Variants in MARCHF1 observed in about 807,000 individuals in gnomAD.
MARCHF1 encodes the protein E3 ubiquitin-protein ligase MARCHF1.
Under a neutral mutation model 54.2 loss-of-function variants are expected in MARCHF1, and 40 were observed. The observed-to-expected ratio is 0.74, with a 90% confidence interval of 0.57 to 0.96. MARCHF1 has a LOEUF of 0.96. Among genes scored for constraint, MARCHF1 ranks in the 40% least tolerant of loss-of-function variants. MARCHF1 has a pLI of 0.00. For synonymous variants in MARCHF1, 236 were observed against 236.3 expected (o/e 1.00, Z 0.01); for missense variants, 586 against 656.5 (o/e 0.89, Z 1.17).
intron 3 of MARCHF1, among the ~76,000 whole-genome samples, chr4:163,987,046 C>A (rs1752883147): frequency 6.6e-6 from 1 of 152,162 alleles, no homozygotes; most frequent in Non-Finnish European, 1.5e-5. Flanking sequence ...TTTTATGAAT[C>A]TTGCTTTTGG....
intron 5 of MARCHF1, among the ~76,000 whole-genome samples, chr4:163,683,704 A>C (rs1043865544): frequency 2.0e-5 from 3 of 152,206 alleles, no homozygotes; most frequent in African/African-American, 7.2e-5. Context: ...GAAAAGGTCC[A>C]TGCATGTGTT....
intron 3 of MARCHF1, among the ~76,000 whole-genome samples, chr4:163,985,406 A>G (rs1032985578): frequency 1.3e-5 from 2 of 152,194 alleles, no homozygotes; most frequent in East Asian, 3.8e-4. Context: ...GTTATTAACC[A>G]AACAGAGATG....
chr4:164,261,637 C>G (rs555341287), intron 1 of MARCHF1, among the ~76,000 whole-genome samples: 1 of 152,240 alleles, frequency 6.6e-6, no homozygotes, highest in South Asian at 2.1e-4. Context: ...CTTGCCATTC[C>G]CACTTCTTGG....
chr4:164,073,216 T>C (rs1031990595), intron 2 of MARCHF1, among the ~76,000 whole-genome samples: 1 of 152,166 alleles, frequency 6.6e-6, no homozygotes, highest in African/African-American at 2.4e-5. Flanking sequence ...TGTGGCACTG[T>C]TCGCAATAGC....
At chr4:164,237,785 A>G (rs1392520899) in intron 1 of MARCHF1, among the ~76,000 whole-genome samples, 2 of 152,042 alleles carry the variant, frequency 1.3e-5, no homozygotes, top group Non-Finnish European at 2.9e-5. Context: ...ACATGAAAAC[A>G]TAAATTTCAG....
At chr4:163,823,812 AT>A (rs1375621281) in intron 4 of MARCHF1, among the ~76,000 whole-genome samples, 4 of 151,836 alleles carry the variant, frequency 2.6e-5, no homozygotes, top group Admixed American at 6.6e-5. Context: ...CAAGATAGTT[AT>A]TTTTTTCTAA....
intron 7 of MARCHF1, among the ~76,000 whole-genome samples, chr4:163,600,363 C>A (rs971034347): frequency 4.6e-5 from 7 of 152,118 alleles, no homozygotes; most frequent in African/African-American, 1.7e-4. Flanking sequence ...TGAAGCGCCA[C>A]TTCCAAGCAA....
intron 4 of MARCHF1, among the ~76,000 whole-genome samples, chr4:163,814,724 C>T (rs1242973220): frequency 6.6e-6 from 1 of 152,170 alleles, no homozygotes; most frequent in South Asian, 2.1e-4. Context: ...GTGGTTCCAG[C>T]ACTTACATAT....
chr4:163,991,933 C>T (rs1191950276), intron 2 of MARCHF1, among the ~76,000 whole-genome samples: 3 of 151,910 alleles, frequency 2.0e-5, no homozygotes, highest in Non-Finnish European at 4.4e-5. Flanking sequence ...CCTCAGTTTT[C>T]CCCCAAGAGA....
intron 2 of MARCHF1, among the ~76,000 whole-genome samples, chr4:164,100,390 T>A (rs1253506410): frequency 6.6e-6 from 1 of 152,246 alleles, no homozygotes; most frequent in Non-Finnish European, 1.5e-5. Flanking sequence ...TATCCAACTT[T>A]TAGATAGCCT....
At chr4:163,685,007 A>G (rs1438964558) in intron 5 of MARCHF1, among the ~76,000 whole-genome samples, 1 of 151,918 alleles carries the variant, frequency 6.6e-6, no homozygotes, top group East Asian at 1.9e-4. Context: ...CATATCATTA[A>G]CTATTAAACA....
At chr4:163,738,496 C>T (rs766908091) in intron 4 of MARCHF1, among the ~76,000 whole-genome samples, 5 of 152,176 alleles carry the variant, frequency 3.3e-5, no homozygotes, top group Admixed American at 6.5e-5. Context: ...TACATTTTTA[C>T]GTAGTAAAAC....
intron 8 of MARCHF1, among the ~76,000 whole-genome samples, chr4:163,559,159 T>G (rs1355730241): frequency 6.6e-6 from 1 of 152,218 alleles, no homozygotes; most frequent in Non-Finnish European, 1.5e-5. Context: ...AGCTTATTTT[T>G]TATTAATTGC....
At chr4:164,169,212 T>C (rs931015744) in intron 1 of MARCHF1, among the ~76,000 whole-genome samples, 1 of 152,100 alleles carries the variant, frequency 6.6e-6, no homozygotes, top group African/African-American at 2.4e-5. Flanking sequence ...ACAATTTCTT[T>C]AAAAAATTAA....
chr4:163,620,880 A>C (rs541523033), intron 5 of MARCHF1, among the ~76,000 whole-genome samples: 3 of 152,294 alleles, frequency 2.0e-5, no homozygotes, highest in South Asian at 4.1e-4. Context: ...GTAATGTTTA[A>C]AATCTCTAAT....
At chr4:163,971,190 A>G (rs1396847243) in intron 3 of MARCHF1, among the ~76,000 whole-genome samples, 1 of 152,180 alleles carries the variant, frequency 6.6e-6, no homozygotes, top group Non-Finnish European at 1.5e-5. Flanking sequence ...ATAGTGATCC[A>G]TATTAATGAA....
At chr4:163,849,157 C>A (rs895936865) in intron 4 of MARCHF1, among the ~76,000 whole-genome samples, 1 of 152,172 alleles carries the variant, frequency 6.6e-6, no homozygotes. Flanking sequence ...TAGATTGAGA[C>A]TGATTGGACT....
chr4:164,106,256 C>T (rs1755695378), intron 2 of MARCHF1, among the ~76,000 whole-genome samples: 1 of 124,310 alleles, frequency 8.0e-6, no homozygotes, highest in Admixed American at 8.1e-5. Flanking sequence ...CCCAGCCATC[C>T]CATTACTGGG....
intron 2 of MARCHF1, among the ~76,000 whole-genome samples, chr4:164,093,776 G>A (rs1309374430): frequency 6.6e-6 from 1 of 152,072 alleles, no homozygotes; most frequent in Non-Finnish European, 1.5e-5. Flanking sequence ...AGAAACAGAA[G>A]CCTTCTCAGC....
Sources: allele counts gnomAD v4.1 joint callset (sites outside exome capture counted in the v4.1 genomes callset), GRCh38; gene constraint gnomAD v4.1.1; transcripts MANE v1.5; gene names NCBI Gene and HGNC (gene_info 2026-07-23, HGNC 2026-07-21).